WWOX: variants seen among roughly 807,000 people sequenced by gnomAD.
The protein encoded by WWOX is WW domain-containing oxidoreductase.
WWOX carries 69 observed loss-of-function variants against 46.2 expected under a neutral mutation model. That is an observed-to-expected ratio of 1.49 (90% CI 1.23 to 1.82). The LOEUF is 1.82. Ranked by LOEUF, WWOX falls within the 40% of genes most tolerant of loss-of-function variation. The pLI is 0.00. For synonymous variants in WWOX, 359 were observed against 202.6 expected (o/e 1.77, Z -6.56); for missense variants, 919 against 542.6 (o/e 1.69, Z -6.89).
intron 5 of WWOX, among the ~76,000 whole-genome samples, chr16:78,217,844 C>T (rs188666286): frequency 1.3e-5 from 2 of 152,176 alleles, no homozygotes; most frequent in African/African-American, 4.8e-5. Flanking sequence ...CTGAAGTCAG[C>T]ATATAAGCTG....
At chr16:78,773,717 C>T (rs2050121728) in intron 8 of WWOX, among the ~76,000 whole-genome samples, 1 of 152,124 alleles carries the variant, frequency 6.6e-6, no homozygotes, top group South Asian at 2.1e-4. Flanking sequence ...GAACAAATAA[C>T]CCAAAATGAG....
At chr16:78,537,285 T>C (rs2043782425) in intron 8 of WWOX, among the ~76,000 whole-genome samples, 1 of 152,116 alleles carries the variant, frequency 6.6e-6, no homozygotes, top group African/African-American at 2.4e-5. Context: ...CTTCCATCTG[T>C]TTGTTATCTG....
At chr16:78,542,821 C>T (rs934573642) in intron 8 of WWOX, among the ~76,000 whole-genome samples, 2 of 152,130 alleles carry the variant, frequency 1.3e-5, no homozygotes, top group African/African-American at 4.8e-5. Flanking sequence ...TTTCTTAATG[C>T]AGGGAAAATT....
At chr16:78,804,049 C>A (rs920526188) in intron 8 of WWOX, among the ~76,000 whole-genome samples, 2 of 152,076 alleles carry the variant, frequency 1.3e-5, no homozygotes, top group East Asian at 1.9e-4. Context: ...ACACTTCTTT[C>A]CTTCATCTGA....
At chr16:78,995,208 C>A (rs1292417446) in intron 8 of WWOX, among the ~76,000 whole-genome samples, 1 of 151,934 alleles carries the variant, frequency 6.6e-6, no homozygotes, top group Non-Finnish European at 1.5e-5. Flanking sequence ...TGCATTCTTT[C>A]CAAATACGTG....
chr16:78,532,620 G>T (rs1366796539), intron 8 of WWOX, among the ~76,000 whole-genome samples: 1 of 152,180 alleles, frequency 6.6e-6, no homozygotes, highest in Non-Finnish European at 1.5e-5. Flanking sequence ...AAAGAAAAAG[G>T]TTTATTGGAC....
At chr16:78,328,049 T>A (rs1201367441) in intron 5 of WWOX, among the ~76,000 whole-genome samples, 1 of 152,036 alleles carries the variant, frequency 6.6e-6, no homozygotes, top group Non-Finnish European at 1.5e-5. Context: ...CTAATTTGTA[T>A]TTTTAGTAGA....
chr16:78,327,744 C>T (rs1445489145), intron 5 of WWOX, among the ~76,000 whole-genome samples: 1 of 152,072 alleles, frequency 6.6e-6, no homozygotes, highest in Non-Finnish European at 1.5e-5. Context: ...AGACCCCCGA[C>T]CATGGCTATA....
At chr16:79,165,176 T>C (rs2050568196) in intron 8 of WWOX, among the ~76,000 whole-genome samples, 1 of 150,774 alleles carries the variant, frequency 6.6e-6, no homozygotes, top group South Asian at 2.1e-4. Flanking sequence ...ACTAGATAAA[T>C]CTCCCTGGAC....
intron 1 of WWOX, among the ~76,000 whole-genome samples, chr16:78,106,421 G>GTTTTTTTTTTTTT (rs34551316): frequency 8.1e-6 from 1 of 122,972 alleles, no homozygotes; most frequent in Non-Finnish European, 1.7e-5. Context: ...GTTTTTTTTT[G>GTTTTTTTTTTTTT]TTTTTTTTTT....
rs967952034 is a variant in WWOX, at chr16:78,774,623, C to A, written c.1056+341871C>A. ...GCATAAGGTAGTTCCTGGCACATGG[C>A]GTTGTTCTTAACCATGAGGTGCTCC... On this transcript the variant is annotated intron_variant, in intron 8 of 8. Coordinates refer to ENST00000566780, the MANE Select transcript of WWOX (RefSeq NM_016373.4). Among the ~76,000 whole-genome samples the A allele has an allele frequency of 2.0e-5, 3 of 151,924 alleles. No homozygotes were observed. In the East Asian group the frequency reaches 5.8e-4, roughly 29 times the overall value.
At chr16:78,647,225 A>C (rs372573843) in intron 8 of WWOX, among the ~76,000 whole-genome samples, 49 of 152,246 alleles carry the variant, frequency 3.2e-4, no homozygotes, top group African/African-American at 1.2e-3. Flanking sequence ...ATCTCAGAAC[A>C]CATGGATCAG....
chr16:78,719,103 A>G (rs745318567), intron 8 of WWOX, among the ~76,000 whole-genome samples: 5 of 152,194 alleles, frequency 3.3e-5, no homozygotes, highest in Non-Finnish European at 7.3e-5. Context: ...ATGACGCACA[A>G]CTGGTTTCAA....
chr16:78,297,811 A>G (rs1042923463), intron 5 of WWOX, among the ~76,000 whole-genome samples: 3 of 152,142 alleles, frequency 2.0e-5, no homozygotes, highest in Non-Finnish European at 4.4e-5. Context: ...AGCCTTAAAC[A>G]TGGTACAAGG....
chr16:78,940,975 G>A (rs938569950), intron 8 of WWOX, among the ~76,000 whole-genome samples: 1 of 151,608 alleles, frequency 6.6e-6, no homozygotes, highest in South Asian at 2.1e-4. Context: ...ATTTCATAAG[G>A]GTCTTCTGGA....
At chr16:79,008,881 A>G (rs554486809) in intron 8 of WWOX, among the ~76,000 whole-genome samples, 170 of 105,918 alleles carry the variant, frequency 1.6e-3, no homozygotes, top group African/African-American at 7.7e-3. Context: ...CCACGTGTGT[A>G]TAATGAGCAG....
At chr16:78,486,175 G>A (rs1163364741) in intron 8 of WWOX, among the ~76,000 whole-genome samples, 1 of 152,182 alleles carries the variant, frequency 6.6e-6, no homozygotes, top group Non-Finnish European at 1.5e-5. Flanking sequence ...CTGTTTTGTA[G>A]TATTTGCTGA....
chr16:78,200,083 C>T (rs570233425), intron 5 of WWOX, among the ~76,000 whole-genome samples: 1 of 152,244 alleles, frequency 6.6e-6, no homozygotes, highest in African/African-American at 2.4e-5. Flanking sequence ...TAATGCATTT[C>T]TTTATATCTC....
intron 8 of WWOX, among the ~76,000 whole-genome samples, chr16:78,466,007 G>A (rs540947597): frequency 2.7e-5 from 4 of 150,678 alleles, no homozygotes; most frequent in South Asian, 2.1e-4. Flanking sequence ...CTGTTAATGA[G>A]TACAAGTTTC....
Sources: allele counts gnomAD v4.1 joint callset (sites outside exome capture counted in the v4.1 genomes callset), GRCh38; gene constraint gnomAD v4.1.1; transcripts MANE v1.5; gene names NCBI Gene and HGNC (gene_info 2026-07-23, HGNC 2026-07-21).